Variants in DMXL1 observed in about 807,000 individuals in gnomAD.
DMXL1 encodes dmX-like protein 1.
In DMXL1, 99 loss-of-function variants were observed where a neutral mutation model predicts 319.2. The observed-to-expected ratio is 0.31, with a 90% CI of 0.26 to 0.37. DMXL1 has a LOEUF of 0.37. Ranked by LOEUF, DMXL1 falls within the 10% of genes least tolerant of loss-of-function variation. DMXL1 has a pLI of 1.00. For synonymous variants in DMXL1, 1,385 were observed against 1,235.2 expected (o/e 1.12, Z -2.54); for missense variants, 3,745 against 3,595.6 (o/e 1.04, Z -1.06).
chr5:119,136,799 C>T (rs1190755844), intron 13 of DMXL1, among the ~76,000 whole-genome samples: 1 of 152,268 alleles, frequency 6.6e-6, no homozygotes, highest in Non-Finnish European at 1.5e-5. Flanking sequence ...TTGGCAGCAA[C>T]CACCTAGATT....
At chr5:119,196,316 C>T in intron 30 of DMXL1, 55 bp from the exon 31 acceptor site, 3 of 1,360,814 alleles carry the variant, frequency 2.2e-6, no homozygotes, top group South Asian at 2.3e-5. Flanking sequence ...GGGTAGTATA[C>T]TCTTCTAAAT....
intron 35 of DMXL1, among the ~76,000 whole-genome samples, chr5:119,218,905 C>T (rs1284771410): frequency 6.6e-6 from 1 of 152,128 alleles, no homozygotes; most frequent in Non-Finnish European, 1.5e-5. Context: ...TGAAGGGTCT[C>T]AGATTTTACC....
At chr5:119,122,578 T>G (rs1362835204) in intron 9 of DMXL1, among the ~76,000 whole-genome samples, 2 of 146,476 alleles carry the variant, frequency 1.4e-5, no homozygotes, top group Admixed American at 6.7e-5. Context: ...GGCTCCTCAC[T>G]TCTCTGACGG....
chr5:119,088,619 T>G (rs1753895019), intron 1 of DMXL1, among the ~76,000 whole-genome samples: 1 of 152,198 alleles, frequency 6.6e-6, no homozygotes, highest in Admixed American at 6.5e-5. Flanking sequence ...TTAGTGTGTT[T>G]TACTTTGTTA....
Position 119,099,852 on chromosome 5 carries a change from A to G in DMXL1, c.213+1748A>G, listed in dbSNP as rs189517542. Reference sequence around the variant, plus strand: ...CTACAAAAATAAAAATAATAAGTAAATAGCCGGACATGGTAGTATGCTCCT... The same window carrying G: ...CTACAAAAATAAAAATAATAAGTAAGTAGCCGGACATGGTAGTATGCTCCT... On this transcript the variant is annotated intron_variant, in intron 2 of 43. Transcript: ENST00000539542. 5.9e-5 allele frequency among the ~76,000 whole-genome samples: 9 copies of G among 152,076 alleles called. No individual in the cohort carries two copies. The East Asian group carries it at 1.7e-3, about 29-fold the overall frequency.
In DMXL1 at chr5:119,146,875, A is replaced by T. The variant is rs1348567027; in HGVS notation, c.2608A>T (p.Ile870Phe). Residue 870 changes from isoleucine (I) to phenylalanine (F), a missense_variant, in exon 16 of 44, where the codon ATT becomes TTT. Physicochemically the swap from Ile to Phe is conservative, Grantham distance 21 (BLOSUM62 0). Around this residue, in one of 4 missense-constraint regions of DMXL1, gnomAD observed 2,096 missense variants for 1,985.4 expected, o/e 1.06. Coordinates refer to ENST00000539542, the MANE Select transcript of DMXL1 (RefSeq NM_001290321.3). ...TGGATTTTCTGAGAAGTTCTACCTAATTGTAATAGAATGCACTCAAGACAA... is the reference window on the plus strand; with the variant it reads ...TGGATTTTCTGAGAAGTTCTACCTATTTGTAATAGAATGCACTCAAGACAA... ...PNGFSEKFYL[I>F]VIECTQDNRS... is the part of the protein sequence containing the mutation. 1 of 1,611,672 alleles carries T rather than the reference A, an allele frequency of 6.2e-7. No individual in the cohort carries two copies. Among genetic ancestry groups the T allele is most frequent in the East Asian group, 2.2e-5 (1 of 44,774 alleles).
At chr5:119,122,935 T>C (rs183330285) in intron 9 of DMXL1, among the ~76,000 whole-genome samples, 2,519 of 152,210 alleles carry the variant, frequency 0.017, 61 homozygotes, top group African/African-American at 0.057. Flanking sequence ...CTCGGCACTT[T>C]GGGAGGCCAA....
intron 1 of DMXL1, among the ~76,000 whole-genome samples, chr5:119,094,958 T>G (rs921472388): frequency 1.3e-5 from 2 of 151,986 alleles, no homozygotes; most frequent in Non-Finnish European, 2.9e-5. Context: ...TAGGCTCAGG[T>G]TATCCTCCCA....
intron 28 of DMXL1, among the ~76,000 whole-genome samples, chr5:119,183,085 CATTTT>C (rs1316824452): frequency 6.6e-6 from 1 of 151,990 alleles, no homozygotes; most frequent in Non-Finnish European, 1.5e-5. Flanking sequence ...ATAAAATGAA[CATTTT>C]ATTTGTGGTA....
At chr5:119,232,929 T>C (rs1453885346) in intron 38 of DMXL1, among the ~76,000 whole-genome samples, 2 of 151,930 alleles carry the variant, frequency 1.3e-5, no homozygotes, top group Non-Finnish European at 2.9e-5. Context: ...ATTTAAAACC[T>C]TCTTTAATCT....
intron 38 of DMXL1, among the ~76,000 whole-genome samples, chr5:119,229,093 T>C (rs1350331602): frequency 6.8e-6 from 1 of 146,680 alleles, no homozygotes; most frequent in Non-Finnish European, 1.5e-5. Context: ...GGTGTGGGGA[T>C]AGCTTGAGCC....
At chr5:119,095,202 C>T (rs548365680) in intron 1 of DMXL1, among the ~76,000 whole-genome samples, 1 of 152,248 alleles carries the variant, frequency 6.6e-6, no homozygotes, top group Admixed American at 6.5e-5. Flanking sequence ...ACTACGGAGA[C>T]AGCTTTGTTA....
At chr5:119,217,241 C>T (rs1289948511) in intron 35 of DMXL1, among the ~76,000 whole-genome samples, 1 of 152,030 alleles carries the variant, frequency 6.6e-6, no homozygotes, top group African/African-American at 2.4e-5. Context: ...TATAGACAAT[C>T]GCTTTAGAAT....
chr5:119,201,314 A>G (rs569657298), intron 32 of DMXL1, among the ~76,000 whole-genome samples: 2 of 152,234 alleles, frequency 1.3e-5, no homozygotes, highest in African/African-American at 4.8e-5. Context: ...TTCTTCATCT[A>G]TTGATATAAT....
intron 1 of DMXL1, among the ~76,000 whole-genome samples, chr5:119,081,263 CA>C (rs1368837426): frequency 6.6e-6 from 1 of 152,132 alleles, no homozygotes; most frequent in African/African-American, 2.4e-5. Context: ...TTAAAATCCT[CA>C]AAAAGTCAAA....
chr5:119,119,974 G>A (rs976087575), intron 8 of DMXL1, among the ~76,000 whole-genome samples: 1 of 151,334 alleles, frequency 6.6e-6, no homozygotes, highest in Non-Finnish European at 1.5e-5. Flanking sequence ...TCTGCTTCCC[G>A]GGTTCAAGCA....
At chr5:119,140,475 G>A (rs1307249179) in intron 13 of DMXL1, among the ~76,000 whole-genome samples, 4 of 152,012 alleles carry the variant, frequency 2.6e-5, no homozygotes, top group African/African-American at 4.8e-5. Context: ...AAACTACTAC[G>A]AACACCTCTG....
rs75589268 is a variant in DMXL1, at chr5:119,169,349, T to A, written c.5399-841T>A. On this transcript the variant is annotated intron_variant, in intron 23 of 43. Coordinates refer to ENST00000539542, the MANE Select transcript of DMXL1 (RefSeq NM_001290321.3). ...AATGATTGGAATGGAGGCAGAGAGA[T>A]GTGGTTGGATTTGGGATATGATTTT... 5.8e-3 allele frequency among the ~76,000 whole-genome samples: 876 copies of A among 152,188 alleles called. 36 individuals are homozygous for A. In the East Asian group the frequency reaches 0.098, roughly 17 times the overall value.
At chr5:119,083,029 TGTTTG>T (rs1008495932) in intron 1 of DMXL1, among the ~76,000 whole-genome samples, 3 of 152,134 alleles carry the variant, frequency 2.0e-5, no homozygotes, top group African/African-American at 7.2e-5. Context: ...ATTGTTTGTT[TGTTTG>T]TTTTGTCAGA....
Sources: allele counts gnomAD v4.1 joint callset (sites outside exome capture counted in the v4.1 genomes callset), GRCh38; gene constraint gnomAD v4.1.1; regional missense constraint gnomAD v4.1.1; transcripts MANE v1.5; gene names NCBI Gene and HGNC (gene_info 2026-07-23, HGNC 2026-07-21).